Variants in RPS6KA2 observed in about 807,000 individuals in gnomAD.
The protein encoded by RPS6KA2 is ribosomal protein S6 kinase A2, also known as ribosomal protein S6 kinase alpha-2.
A neutral mutation model predicts 91.8 loss-of-function variants in RPS6KA2; 42 were observed. The observed-to-expected ratio is 0.46, with a 90% CI of 0.36 to 0.59. RPS6KA2 has a LOEUF of 0.59. RPS6KA2 is among the 20% of genes least tolerant of loss of function. The pLI is 0.00. For missense variants in RPS6KA2, 798 were observed against 978.5 expected, an observed-to-expected ratio of 0.82 and a Z score of 2.46; for synonymous variants, 414 against 393.6, an observed-to-expected ratio of 1.05 and a Z score of -0.61.
chr6:166,462,394 A>T (rs1045550249), intron 11 of RPS6KA2, among the ~76,000 whole-genome samples: 1 of 152,070 alleles, frequency 6.6e-6, no homozygotes, highest in African/African-American at 2.4e-5. Flanking sequence ...TCTATCTGTG[A>T]CCACCCTGCC....
chr6:166,837,906 G>A (rs1212944722), intron 2 of RPS6KA2, among the ~76,000 whole-genome samples: 1 of 152,248 alleles, frequency 6.6e-6, no homozygotes, highest in Non-Finnish European at 1.5e-5. Context: ...ATCTTCTACG[G>A]AATGAAAATA....
intron 11 of RPS6KA2, among the ~76,000 whole-genome samples, chr6:166,468,722 G>A (rs189506968): frequency 4.5e-4 from 68 of 152,076 alleles, no homozygotes; most frequent in African/African-American, 1.0e-3. Context: ...AAAATTAGCC[G>A]GGCGTGGTGG....
chr6:166,778,766 A>G (rs1410910076), intron 2 of RPS6KA2, among the ~76,000 whole-genome samples: 1 of 152,190 alleles, frequency 6.6e-6, no homozygotes. Context: ...AACTCTATCA[A>G]AAAAACAACA....
intron 2 of RPS6KA2, among the ~76,000 whole-genome samples, chr6:166,677,398 G>C (rs1333814213): frequency 7.2e-6 from 1 of 138,802 alleles, no homozygotes; most frequent in Non-Finnish European, 1.5e-5. Flanking sequence ...GTCTCACTTT[G>C]TCACCCAGGC....
At chr6:166,462,629 G>T (rs1583166595) in intron 11 of RPS6KA2, among the ~76,000 whole-genome samples, 2 of 152,196 alleles carry the variant, frequency 1.3e-5, no homozygotes, top group Non-Finnish European at 2.9e-5. Flanking sequence ...GCCTAGCCCG[G>T]TGCTGCGAGT....
chr6:166,659,839 A>G (rs774489100), intron 2 of RPS6KA2, among the ~76,000 whole-genome samples: 23 of 152,258 alleles, frequency 1.5e-4, no homozygotes, highest in Non-Finnish European at 2.4e-4. Flanking sequence ...CCTCAGTGAC[A>G]GCATGCGGTG....
intron 8 of RPS6KA2, among the ~76,000 whole-genome samples, chr6:166,492,033 G>A (rs1263624361): frequency 6.6e-6 from 1 of 152,116 alleles, no homozygotes; most frequent in African/African-American, 2.4e-5. Flanking sequence ...ACTGAAATGT[G>A]CACAGATGAT....
intron 10 of RPS6KA2, among the ~76,000 whole-genome samples, chr6:166,477,300 G>A (rs1404782831): frequency 1.3e-5 from 2 of 152,138 alleles, no homozygotes; most frequent in Non-Finnish European, 2.9e-5. Context: ...GGCCCGAGGT[G>A]AGCCATTCTC....
chr6:166,623,724 C>T (rs545832446), intron 1 of RPS6KA2, among the ~76,000 whole-genome samples: 8 of 152,286 alleles, frequency 5.3e-5, no homozygotes, highest in African/African-American at 1.4e-4. Flanking sequence ...GAGGGTCTTG[C>T]GGTCACTGAG....
At chr6:166,649,794 G>A (rs1436623217) in intron 2 of RPS6KA2, among the ~76,000 whole-genome samples, 2 of 152,102 alleles carry the variant, frequency 1.3e-5, no homozygotes, top group African/African-American at 4.8e-5. Context: ...CTGAGACCAC[G>A]GGCTGTCTTC....
chr6:166,796,307 T>C (rs1180885629), intron 2 of RPS6KA2, among the ~76,000 whole-genome samples: 1 of 152,162 alleles, frequency 6.6e-6, no homozygotes, highest in Non-Finnish European at 1.5e-5. Flanking sequence ...ATCTGGCTTG[T>C]CGGCTGGGTG....
intron 3 of RPS6KA2, among the ~76,000 whole-genome samples, chr6:166,511,947 C>A (rs1323011215): frequency 3.3e-5 from 5 of 152,110 alleles, no homozygotes; most frequent in Admixed American, 1.3e-4. Flanking sequence ...TCACAGGATA[C>A]ACATCCAAAA....
intron 2 of RPS6KA2, among the ~76,000 whole-genome samples, chr6:166,801,297 G>A (rs1562447165): frequency 6.6e-6 from 1 of 151,950 alleles, no homozygotes; most frequent in Non-Finnish European, 1.5e-5. Context: ...GGAGGAGGTG[G>A]GGAGAGGAAA....
intron 10 of RPS6KA2, among the ~76,000 whole-genome samples, chr6:166,478,797 A>G (rs1781078101): frequency 6.6e-6 from 1 of 151,658 alleles, no homozygotes; most frequent in African/African-American, 2.4e-5. Flanking sequence ...TTATGTGTTT[A>G]CTCGTCAGAC....
rs376958928 is a variant in RPS6KA2, at chr6:166,506,538, C to T, written c.459+1665G>A. Reference sequence around the variant, plus strand: ...GCAGGAGGCAAAGGAAGGGGCCAGACGCCAGTTCCCAAAGGCCTTTGTGTA... The same window carrying T: ...GCAGGAGGCAAAGGAAGGGGCCAGATGCCAGTTCCCAAAGGCCTTTGTGTA... On this transcript the variant is annotated intron_variant, in intron 5 of 20. Coordinates refer to ENST00000265678, the MANE Select transcript of RPS6KA2 (RefSeq NM_021135.6). Among the ~76,000 whole-genome samples, 10 of 152,182 alleles carry T rather than the reference C, an allele frequency of 6.6e-5. No individual in the cohort carries two copies. The South Asian group carries it at 1.0e-3, about 16-fold the overall frequency.
intron 2 of RPS6KA2, among the ~76,000 whole-genome samples, chr6:166,805,857 CTAA>C (rs1562449314): frequency 0.019 from 2,918 of 152,096 alleles, 105 homozygotes; most frequent in African/African-American, 0.067. Flanking sequence ...GCTTGAAGAA[CTAA>C]AGGAAGACAT....
intron 11 of RPS6KA2, among the ~76,000 whole-genome samples, chr6:166,465,722 T>C (rs1780494912): frequency 6.6e-6 from 1 of 152,196 alleles, no homozygotes; most frequent in Admixed American, 6.5e-5. Context: ...CCACTTTCAC[T>C]GTGCACAAAC....
upstream of RPS6KA2, chr6:166,627,519 C>T (rs1289008275): frequency 1.3e-5 from 2 of 153,248 alleles, no homozygotes; most frequent in Non-Finnish European, 2.9e-5. Context: ...CATCCCTCCT[C>T]CTCTTTCTAC....
Position 166,858,199 on chromosome 6 carries a change from C to A in RPS6KA2, c.123+1G>T. Reference sequence around the variant, plus strand: ...GAGTGTAATAAAACGTGTATAGTTACTTCTTCTGCAGTGTCTTCTGTGGTG... The same window carrying A: ...GAGTGTAATAAAACGTGTATAGTTAATTCTTCTGCAGTGTCTTCTGTGGTG... On this transcript the variant is annotated splice_donor_variant, in intron 2 of 21. Coordinates refer to the RPS6KA2 transcript ENST00000503859. LOFTEE classifies it high-confidence loss of function. 1.3e-6 allele frequency: 2 copies of A among 1,511,112 alleles called. No individual in the cohort carries two copies. The highest frequency in any genetic ancestry group is 2.7e-5 in the African/African-American group (2 of 74,306). The allele number at this position is 1,511,112 out of a possible 1,614,324, so 93.6% of individuals were successfully genotyped here.
Sources: gnomAD v4.1 joint callset for allele counts (sites outside exome capture counted in the v4.1 genomes callset) on GRCh38, gnomAD v4.1.1 for gene constraint, MANE v1.5 for transcripts, NCBI Gene and HGNC (gene_info 2026-07-23, HGNC 2026-07-21) for gene names.